Variants in TXNDC11 observed in about 807,000 individuals in gnomAD.
The protein encoded by TXNDC11 is thioredoxin domain containing 11, also known as thioredoxin domain-containing protein 11.
Under a neutral mutation model 78.0 loss-of-function variants are expected in TXNDC11, and 68 were observed. The ratio of observed to expected loss-of-function variants is 0.87; its 90% CI spans 0.72 to 1.07. TXNDC11 has a LOEUF of 1.07. TXNDC11 is among the 50% of genes least tolerant of loss of function. TXNDC11 has a pLI of 0.00. For synonymous variants in TXNDC11, 571 were observed against 495.2 expected (o/e 1.15, Z -2.03); for missense variants, 1,389 against 1,221.8 (o/e 1.14, Z -2.04).
rs565375976 is a variant in TXNDC11 at position 11,725,681 on chromosome 16, A to AAT, written c.700-4013_700-4012dup. On this transcript the variant is annotated intron_variant, in intron 4 of 11. Transcript: ENST00000283033. ...CACCCAGCTGTTTGGAACATTTAGA[A>AAT]ATAAGCACTTGAAAACTGAAGAGCA... Among the ~76,000 whole-genome samples, 461 of 152,320 alleles carry AAT rather than the reference A, an allele frequency of 3.0e-3. 1 individual carries two copies. The highest frequency in any genetic ancestry group is 5.7e-3 in the Admixed American group (87 of 15,302).
At chr16:11,716,589 G>C (rs1268234341) in intron 5 of TXNDC11, among the ~76,000 whole-genome samples, 1 of 152,080 alleles carries the variant, frequency 6.6e-6, no homozygotes. Flanking sequence ...ATTAATGAGA[G>C]ATATGTAAGA....
Position 11,679,736 on chromosome 16 carries a change from T to G in TXNDC11, c.2336A>C (p.Asn779Thr). The G allele has an allele frequency of 1.9e-6, 3 of 1,614,164 alleles. No homozygotes were observed. Among genetic ancestry groups the G allele is most frequent in the Non-Finnish European group, 2.5e-6 (3 of 1,180,024 alleles). The change falls in exon 12 of 12, where the codon AAT becomes ACT. Residue 779 changes from asparagine (N) to threonine (T), a missense_variant. By Grantham distance (65) the Asn-to-Thr change is moderately conservative. Transcript: ENST00000283033. This position sits in a 1 kb window ranked among gnomAD's most constrained non-coding sequence, Gnocchi z 4.6. ...CTCCTTGGTAGGAGAGTTAGCCACA[T>G]TCTGGGGGCTGGAAGCAGGGTCTGA... is the stretch of plus-strand genomic sequence containing the variant. ...HHSDPASSPQ[N>T]VANSPTKECL... is the part of the protein sequence containing the mutation.
intron 5 of TXNDC11, 181 bp downstream of exon 5, chr16:11,721,396 G>T: frequency 2.7e-6 from 1 of 370,694 alleles, no homozygotes; most frequent in Non-Finnish European, 5.1e-6. Flanking sequence ...CCAAGATCAC[G>T]CCACTGCACT....
chr16:11,692,168 T>C (rs1272218433), intron 7 of TXNDC11, 86 bp from the exon 8 acceptor site: 1 of 1,082,344 alleles, frequency 9.2e-7, no homozygotes, highest in Non-Finnish European at 1.3e-6. Context: ...TTCTGTAATT[T>C]CAGTTATCCA....
chr16:11,724,273 ACT>A (rs1428698972), intron 4 of TXNDC11, among the ~76,000 whole-genome samples: 1 of 152,080 alleles, frequency 6.6e-6, no homozygotes, highest in Non-Finnish European at 1.5e-5. Context: ...AGAGAGGGAG[ACT>A]CTGTCTCAAA....
At chr16:11,734,252 A>G (rs942113099) in intron 2 of TXNDC11, among the ~76,000 whole-genome samples, 173 bp from the exon 3 acceptor site, 1 of 152,222 alleles carries the variant, frequency 6.6e-6, no homozygotes, top group Non-Finnish European at 1.5e-5. Flanking sequence ...ACAAAAAAGA[A>G]AGACATACTC....
intron 1 of TXNDC11, among the ~76,000 whole-genome samples, chr16:11,737,786 G>A (rs984997120): frequency 6.7e-6 from 1 of 149,910 alleles, no homozygotes; most frequent in Non-Finnish European, 1.5e-5. Flanking sequence ...GAATTGTGTA[G>A]GTTGCAGTGA....
At chr16:11,738,280 A>G (rs1416015253) in intron 1 of TXNDC11, among the ~76,000 whole-genome samples, 1 of 152,204 alleles carries the variant, frequency 6.6e-6, no homozygotes, top group Non-Finnish European at 1.5e-5. Context: ...ACTCAAACTA[A>G]TATTTTAACC....
chr16:11,741,527 C>T (rs1446009129), intron 1 of TXNDC11, among the ~76,000 whole-genome samples: 2 of 152,310 alleles, frequency 1.3e-5, no homozygotes, highest in Non-Finnish European at 2.9e-5. Flanking sequence ...ACACGCTCCC[C>T]CGGGATCTTC....
At chr16:11,710,346 T>C (rs995044814) in intron 5 of TXNDC11, among the ~76,000 whole-genome samples, 2 of 152,118 alleles carry the variant, frequency 1.3e-5, no homozygotes, top group African/African-American at 2.4e-5. Flanking sequence ...CGTTCTCTTT[T>C]TCCCCTCCAA....
chr16:11,741,345 G>GA (rs2052385552), intron 1 of TXNDC11, among the ~76,000 whole-genome samples: 1 of 152,168 alleles, frequency 6.6e-6, no homozygotes. Context: ...AAGTACACCT[G>GA]AAATATACAG....
chr16:11,698,604 G>C (rs894880395), intron 6 of TXNDC11, among the ~76,000 whole-genome samples: 2 of 152,244 alleles, frequency 1.3e-5, no homozygotes, highest in African/African-American at 2.4e-5. Context: ...AATTCTCCCT[G>C]CCAGCTGGTG....
chr16:11,726,993 C>T (rs897085137), intron 4 of TXNDC11, among the ~76,000 whole-genome samples: 1 of 152,034 alleles, frequency 6.6e-6, no homozygotes, highest in Non-Finnish European at 1.5e-5. Context: ...GTGGAGGTTG[C>T]GGTGAGACGA....
At chr16:11,722,593 G>T (rs894775672) in intron 4 of TXNDC11, among the ~76,000 whole-genome samples, 2 of 152,168 alleles carry the variant, frequency 1.3e-5, no homozygotes, top group African/African-American at 4.8e-5. Flanking sequence ...AGCCTCGGGA[G>T]AACCCTTCAA....
At position 11,742,624 on chromosome 16, in the gene TXNDC11, C is replaced by A; in HGVS notation, c.107G>T (p.Ser36Ile). ...GPAGSDCLSS[S>I]PTLATASSAG... ...CGAGGACGCTGTGGCCAGGGTCGGG[C>A]TCGAGCTGAGGCAGTCTGAGCCCGC... Residue 36 changes from serine (S) to isoleucine (I), a missense_variant, in exon 1 of 12, where the codon AGC becomes ATC. Transcript: ENST00000283033. 2 of 1,463,724 alleles carry A rather than the reference C, an allele frequency of 1.4e-6. No homozygotes were observed. Among genetic ancestry groups the A allele is most frequent in the South Asian group, 1.3e-5 (1 of 76,520 alleles). The allele number at this position is 1,463,724 out of a possible 1,614,324, so 90.7% of individuals were successfully genotyped here. A position where few individuals can be genotyped will look rare whatever the true frequency, so the allele number is the denominator to read the frequency against.
chr16:11,685,004 G>A (rs1007519058), intron 10 of TXNDC11, among the ~76,000 whole-genome samples: 1 of 152,224 alleles, frequency 6.6e-6, no homozygotes, highest in Non-Finnish European at 1.5e-5. Context: ...AAGCATAACT[G>A]GGGGGAGTGA....
At chr16:11,699,204 G>C (rs889749845) in intron 6 of TXNDC11, among the ~76,000 whole-genome samples, 2 of 152,048 alleles carry the variant, frequency 1.3e-5, no homozygotes, top group Admixed American at 6.5e-5. Flanking sequence ...GAATTCTACT[G>C]CTACACAAAC....
intron 3 of TXNDC11, among the ~76,000 whole-genome samples, chr16:11,731,985 G>T (rs148883238): frequency 6.6e-6 from 1 of 151,944 alleles, no homozygotes; most frequent in East Asian, 1.9e-4. Context: ...CTACCAATCT[G>T]GAAACCTCAA....
intron 5 of TXNDC11, among the ~76,000 whole-genome samples, chr16:11,706,287 G>A (rs1044293325): frequency 2.0e-5 from 3 of 152,200 alleles, no homozygotes; most frequent in African/African-American, 4.8e-5. Context: ...GGCTAAGAAG[G>A]TCAAGGTGAC....
Sources: gnomAD v4.1 joint callset for allele counts (sites outside exome capture counted in the v4.1 genomes callset) on GRCh38, gnomAD v4.1.1 for gene constraint, Gnocchi (gnomAD v3.1) non-coding constraint, MANE v1.5 for transcripts, NCBI Gene and HGNC (gene_info 2026-07-23, HGNC 2026-07-21) for gene names.